CAMKMT: variants seen among roughly 807,000 people sequenced by gnomAD.
CAMKMT encodes CaM KMT.
Under a neutral mutation model 48.0 loss-of-function variants are expected in CAMKMT, and 53 were observed. That is an observed-to-expected ratio of 1.10 (90% CI 0.89 to 1.39). The LOEUF is 1.39. Among genes scored for constraint, CAMKMT ranks in the 40% most tolerant of loss-of-function variants. The pLI is 0.00. For missense variants in CAMKMT, 428 were observed against 402.7 expected (o/e 1.06, Z -0.54); for synonymous variants, 165 against 152.3 (o/e 1.08, Z -0.61).
chr2:44,387,543 C>T (rs1464738160), intron 2 of CAMKMT, among the ~76,000 whole-genome samples: 1 of 152,014 alleles, frequency 6.6e-6, no homozygotes, highest in Non-Finnish European at 1.5e-5. Context: ...GGTACCCTTG[C>T]ATTAATTGTA....
chr2:44,648,016 C>T (rs1020569553), intron 3 of CAMKMT, among the ~76,000 whole-genome samples: 31 of 150,970 alleles, frequency 2.1e-4, no homozygotes, highest in African/African-American at 1.5e-4. Flanking sequence ...ATTAAAAACC[C>T]GAATGAAGAA....
At chr2:44,411,429 T>G (rs1450720764) in intron 3 of CAMKMT, among the ~76,000 whole-genome samples, 1 of 152,226 alleles carries the variant, frequency 6.6e-6, no homozygotes, top group African/African-American at 2.4e-5. Context: ...CTCAATTGCA[T>G]GTATTAGAAA....
chr2:44,557,431 G>A lies in CAMKMT; in HGVS notation c.377-146852G>A, dbSNP rs559928417. 2.0e-4 allele frequency among the ~76,000 whole-genome samples: 30 copies of A among 152,196 alleles called. No individual in the cohort carries two copies. The East Asian group carries it at 2.1e-3, about 11-fold the overall frequency. On this transcript the variant is annotated intron_variant, in intron 3 of 10. Transcript: ENST00000378494. ...TATGGTACAATAAGGGCAGGCCATT[G>A]GTTGGTTTCTTTGTTTAGAGGGCAG...
chr2:44,510,897 G>A (rs1409338860), intron 3 of CAMKMT, among the ~76,000 whole-genome samples: 4 of 151,670 alleles, frequency 2.6e-5, no homozygotes, highest in Non-Finnish European at 5.9e-5. Context: ...CTGGAGTTTC[G>A]TGGCATGATC....
At chr2:44,750,908 G>A (rs1680127958) in intron 8 of CAMKMT, among the ~76,000 whole-genome samples, 1 of 152,158 alleles carries the variant, frequency 6.6e-6, no homozygotes, top group South Asian at 2.1e-4. Context: ...AGCTACTTGG[G>A]AGGCTGAGGC....
rs1209687480 is a variant in CAMKMT at position 44,653,814 on chromosome 2, G to A, written c.377-50469G>A. Among the ~76,000 whole-genome samples, 1 of 152,036 alleles carries A rather than the reference G, an allele frequency of 6.6e-6. No individual in the cohort carries two copies. Among genetic ancestry groups the A allele is most frequent in the South Asian group, 2.1e-4 (1 of 4,824 alleles). ...AAACAAGAATTGAAAAGATCTCATC[G>A]AGTGCCTAGAACAAAACTGACACAT... is the stretch of plus-strand genomic sequence containing the variant. On this transcript the variant is annotated intron_variant, in intron 3 of 10. Coordinates refer to ENST00000378494, the MANE Select transcript of CAMKMT (RefSeq NM_024766.5). The surrounding 1 kb of genome is among the most constrained non-coding windows in gnomAD (Gnocchi z 5.2).
chr2:44,369,440 C>A (rs918553659), intron 1 of CAMKMT, among the ~76,000 whole-genome samples: 2 of 151,898 alleles, frequency 1.3e-5, no homozygotes, highest in South Asian at 4.2e-4. Flanking sequence ...AAATAGAAAC[C>A]ACTCTAGCTA....
At chr2:44,671,711 G>T (rs1310599865) in intron 3 of CAMKMT, among the ~76,000 whole-genome samples, 1 of 152,042 alleles carries the variant, frequency 6.6e-6, no homozygotes, top group African/African-American at 2.4e-5. Flanking sequence ...CAGCTGGTTT[G>T]GGCCTTTTAA....
intron 2 of CAMKMT, among the ~76,000 whole-genome samples, chr2:44,375,587 A>T (rs898996280): frequency 2.0e-5 from 3 of 152,246 alleles, no homozygotes; most frequent in African/African-American, 2.4e-5. Flanking sequence ...AATGATTTTT[A>T]AAAAAACTGG....
chr2:44,664,991 C>G (rs1674882511), intron 3 of CAMKMT, among the ~76,000 whole-genome samples: 1 of 152,112 alleles, frequency 6.6e-6, no homozygotes, highest in South Asian at 2.1e-4. Context: ...CCCAGGAATT[C>G]TGATATAGTT....
intron 3 of CAMKMT, chr2:44,391,788 C>G (rs1400787553): frequency 1.3e-5 from 2 of 152,942 alleles, no homozygotes; most frequent in Non-Finnish European, 2.9e-5. Flanking sequence ...ACATTTTTTC[C>G]CATCAACTTG....
chr2:44,588,811 C>T lies in CAMKMT; in HGVS notation c.377-115472C>T, dbSNP rs1489031796. Among the ~76,000 whole-genome samples, 5 of 38,998 alleles carry T rather than the reference C, an allele frequency of 1.3e-4. No individual in the cohort carries two copies. The East Asian group carries it at 1.3e-3, about 10-fold the overall frequency. The allele number at this position is 38,998 out of a possible 152,430, so 25.6% of individuals were successfully genotyped here. The stretch of plus-strand genomic sequence containing the variant: ...CCACTGCCCGGCCAGCCGCCCCGTC[C>T]GGGAGGGAGGTGGGGGGGGTCAGCC... On this transcript the variant is annotated intron_variant, in intron 3 of 10. Transcript: ENST00000378494.
chr2:44,390,139 T>G (rs1179375127), intron 2 of CAMKMT, 102 bp from the exon 3 acceptor site: 1 of 769,976 alleles, frequency 1.3e-6, no homozygotes, highest in Non-Finnish European at 2.2e-6. Context: ...AATTTATTGC[T>G]ATTGGGTATA....
At chr2:44,503,862 G>A (rs1055849392) in intron 3 of CAMKMT, among the ~76,000 whole-genome samples, 1 of 151,970 alleles carries the variant, frequency 6.6e-6, no homozygotes, top group Non-Finnish European at 1.5e-5. Context: ...TGCTGAGTTC[G>A]TCTCCTGGCT....
intron 2 of CAMKMT, among the ~76,000 whole-genome samples, chr2:44,376,423 A>G (rs1679703157): frequency 6.6e-6 from 1 of 151,162 alleles, no homozygotes. Context: ...CTGTATCAAA[A>G]AAAAAAAAAA....
chr2:44,535,775 ACAT>A (rs2104839097), intron 3 of CAMKMT, among the ~76,000 whole-genome samples: 1 of 152,292 alleles, frequency 6.6e-6, no homozygotes, highest in East Asian at 1.9e-4. Flanking sequence ...AGCCCATGTA[ACAT>A]CATACTGAGT....
intron 3 of CAMKMT, among the ~76,000 whole-genome samples, chr2:44,507,511 T>G (rs1296484436): frequency 3.3e-5 from 5 of 152,210 alleles, no homozygotes; most frequent in African/African-American, 9.6e-5. Flanking sequence ...ATGCCTTTTT[T>G]GTAATGACCC....
intron 3 of CAMKMT, among the ~76,000 whole-genome samples, chr2:44,551,265 C>A (rs1254664754): frequency 6.6e-6 from 1 of 152,114 alleles, no homozygotes; most frequent in Non-Finnish European, 1.5e-5. Context: ...TTCTATGTCA[C>A]ATTAATTGTA....
chr2:44,590,741 G>A (rs1670212833), intron 3 of CAMKMT, among the ~76,000 whole-genome samples: 1 of 152,040 alleles, frequency 6.6e-6, no homozygotes, highest in African/African-American at 2.4e-5. Flanking sequence ...TTGCTGTGCA[G>A]AAGCTCTTTA....
Sources: allele counts gnomAD v4.1 joint callset (sites outside exome capture counted in the v4.1 genomes callset), GRCh38; gene constraint gnomAD v4.1.1; non-coding constraint Gnocchi (gnomAD v3.1); transcripts MANE v1.5; gene names NCBI Gene and HGNC (gene_info 2026-07-23, HGNC 2026-07-21).